Variants in KCNU1 observed in about 807,000 individuals in gnomAD.
The protein encoded by KCNU1 is potassium channel subfamily U member 1.
Under a neutral mutation model 126.8 loss-of-function variants are expected in KCNU1, and 93 were observed. The ratio of observed to expected loss-of-function variants is 0.73; its 90% CI spans 0.62 to 0.87. KCNU1 has a LOEUF of 0.87. Among genes scored for constraint, KCNU1 ranks in the 40% least tolerant of loss-of-function variants. KCNU1 has a pLI of 0.00. For missense variants in KCNU1, 1,330 were observed against 1,367.1 expected, an observed-to-expected ratio of 0.97 and a Z score of 0.43; for synonymous variants, 523 against 494.2, an observed-to-expected ratio of 1.06 and a Z score of -0.77.
rs538090899 is a variant in KCNU1, at chr8:36,865,773, CAAAAAAAAA to C, written c.2009+1269_2009+1277del. Among the ~76,000 whole-genome samples the C allele has an allele frequency of 9.8e-5, 6 of 61,378 alleles. No homozygotes were observed. In the South Asian group the frequency reaches 3.2e-3, roughly 32 times the overall value. 40.3% of individuals were successfully genotyped at this position (61,378 alleles called of 152,430 possible). On this transcript the variant is annotated intron_variant, in intron 19 of 26. Coordinates refer to ENST00000399881, the MANE Select transcript of KCNU1 (RefSeq NM_001031836.3). ...CCTGAGTGACAGAGCAAGAGCTTGTCAAAAAAAAAAAAAAAAAAAAAAAAAGAATGGATA... is the reference window on the plus strand; with the variant it reads ...CCTGAGTGACAGAGCAAGAGCTTGTCAAAAAAAAAAAAAAAAGAATGGATA...
chr8:36,917,297 T>C (rs906997820), intron 22 of KCNU1, among the ~76,000 whole-genome samples: 3 of 151,942 alleles, frequency 2.0e-5, no homozygotes, highest in Admixed American at 2.0e-4. Context: ...GCCATTATGG[T>C]GTGTTTTTCT....
chr8:36,897,716 A>T (rs1554514893), intron 19 of KCNU1, among the ~76,000 whole-genome samples: 2 of 152,068 alleles, frequency 1.3e-5, no homozygotes. Flanking sequence ...CCACTAAAAA[A>T]TTCTGACGCT....
At chr8:36,826,686 C>A (rs929503712) in intron 10 of KCNU1, among the ~76,000 whole-genome samples, 5 of 151,934 alleles carry the variant, frequency 3.3e-5, no homozygotes, top group African/African-American at 1.2e-4. Flanking sequence ...TTATATTATT[C>A]AGTTCTAGAA....
At chr8:36,880,151 T>C (rs1206407348) in intron 19 of KCNU1, among the ~76,000 whole-genome samples, 1 of 152,252 alleles carries the variant, frequency 6.6e-6, no homozygotes, top group Non-Finnish European at 1.5e-5. Context: ...TTTGAAGTAA[T>C]ATTTCTCTGC....
intron 24 of KCNU1, 104 bp downstream of exon 24, chr8:36,922,733 T>C: frequency 8.3e-7 from 1 of 1,200,704 alleles, no homozygotes; most frequent in East Asian, 2.5e-5. Context: ...AGTTCTAAGT[T>C]CTCTTTGATT....
At chr8:36,854,325 C>T (rs1163895403) in intron 18 of KCNU1, among the ~76,000 whole-genome samples, 1 of 152,040 alleles carries the variant, frequency 6.6e-6, no homozygotes, top group Non-Finnish European at 1.5e-5. Context: ...TTTCTTTACT[C>T]TTCTCCTGGA....
chr8:36,823,305 A>G (rs755037571), intron 10 of KCNU1, among the ~76,000 whole-genome samples: 4 of 152,164 alleles, frequency 2.6e-5, no homozygotes, highest in Non-Finnish European at 2.9e-5. Flanking sequence ...GCTCAGAGAC[A>G]ACTGCTTTCA....
At position 36,833,080 on chromosome 8, in the gene KCNU1, A is replaced by G. The variant is rs537838033; in HGVS notation, c.1107-474A>G. ...GCTTTCATTGTCTGTCAAGAAAAAT[A>G]CCGTTTTGATAAATATTTGTGTGTT... On this transcript the variant is annotated intron_variant, in intron 10 of 26. Transcript: ENST00000399881. Among the ~76,000 whole-genome samples, 5 of 152,270 alleles carry G rather than the reference A, an allele frequency of 3.3e-5. No homozygotes were observed. In the East Asian group the frequency reaches 9.6e-4, roughly 29 times the overall value.
chr8:36,822,017 G>A (rs1412486631), intron 10 of KCNU1, among the ~76,000 whole-genome samples: 1 of 152,076 alleles, frequency 6.6e-6, no homozygotes, highest in Non-Finnish European at 1.5e-5. Flanking sequence ...CCCATCATAA[G>A]TTCAGGAGTG....
Position 36,910,947 on chromosome 8 carries a change from T to C in KCNU1, c.2349T>C (p.Ser783=). 1 of 1,612,010 alleles carries C rather than the reference T, an allele frequency of 6.2e-7. No individual in the cohort carries two copies. Among genetic ancestry groups the C allele is most frequent in the Non-Finnish European group, 8.5e-7 (1 of 1,178,716 alleles). Reference sequence around the variant, plus strand: ...CTCATTAGGGATGTGCACTTTATTCTGGAGACCTCCATGCGGCCAACATAG... The same window carrying C: ...CTCATTAGGGATGTGCACTTTATTCCGGAGACCTCCATGCGGCCAACATAG... ...IYILPGCALY[S]GDLHAANIEQ... Residue 783 remains serine (S), a synonymous_variant, in exon 22 of 27, where the codon TCT becomes TCC. Coordinates refer to ENST00000399881, the MANE Select transcript of KCNU1 (RefSeq NM_001031836.3).
At chr8:36,840,015 G>T (rs1183639871) in intron 14 of KCNU1, among the ~76,000 whole-genome samples, 1 of 152,194 alleles carries the variant, frequency 6.6e-6, no homozygotes, top group Non-Finnish European at 1.5e-5. Context: ...TCTGATGCTG[G>T]ACAGAAGCTA....
At chr8:36,794,986 G>T (rs1334402237) in intron 2 of KCNU1, among the ~76,000 whole-genome samples, 2 of 152,052 alleles carry the variant, frequency 1.3e-5, no homozygotes, top group Admixed American at 6.6e-5. Context: ...TCCACCCCAA[G>T]CTGAAGAAAG....
In KCNU1 at chr8:36,877,832, C is replaced by T. The variant is rs150121931; in HGVS notation, c.2009+13311C>T. Among the ~76,000 whole-genome samples the T allele has an allele frequency of 7.7e-4, 117 of 152,244 alleles. 1 individual carries two copies. Among genetic ancestry groups the T allele is most frequent in the African/African-American group, 2.7e-3 (112 of 41,550 alleles). On this transcript the variant is annotated intron_variant, in intron 19 of 26. Coordinates refer to ENST00000399881, the MANE Select transcript of KCNU1 (RefSeq NM_001031836.3). Reference sequence around the variant, plus strand: ...TGAGATCAAAATCCTTAACAATGCCCGTTATCATATAGCTCCTATCTCTCA... The same window carrying T: ...TGAGATCAAAATCCTTAACAATGCCTGTTATCATATAGCTCCTATCTCTCA...
intron 9 of KCNU1, among the ~76,000 whole-genome samples, chr8:36,816,705 A>G (rs924000763): frequency 1.3e-5 from 2 of 152,208 alleles, no homozygotes; most frequent in African/African-American, 2.4e-5. Context: ...TAATAGGAGG[A>G]AAATAGCTCC....
chr8:36,784,704 A>G (rs1159349216), intron 1 of KCNU1, 99 bp downstream of exon 1: 7 of 962,428 alleles, frequency 7.3e-6, no homozygotes, highest in Admixed American at 5.6e-5. Flanking sequence ...CAGTTTTTCA[A>G]GCTAACAGAG....
chr8:36,807,064 G>A (rs1186021628), intron 5 of KCNU1, among the ~76,000 whole-genome samples: 1 of 152,128 alleles, frequency 6.6e-6, no homozygotes, highest in Non-Finnish European at 1.5e-5. Context: ...TGTGAGGCAT[G>A]CTTCTACATG....
chr8:36,798,163 T>C (rs1342135433), intron 2 of KCNU1, among the ~76,000 whole-genome samples: 1 of 152,172 alleles, frequency 6.6e-6, no homozygotes, highest in Non-Finnish European at 1.5e-5. Flanking sequence ...AGAGGCACAA[T>C]TACCATCCGT....
intron 23 of KCNU1, among the ~76,000 whole-genome samples, chr8:36,922,254 A>C (rs1419893725): frequency 2.6e-5 from 4 of 152,184 alleles, no homozygotes; most frequent in African/African-American, 9.7e-5. Flanking sequence ...CCTGTGCTCC[A>C]GCAATGTCCC....
chr8:36,865,398 T>C (rs1805868438), intron 19 of KCNU1, among the ~76,000 whole-genome samples: 1 of 152,094 alleles, frequency 6.6e-6, no homozygotes, highest in African/African-American at 2.4e-5. Flanking sequence ...AAGACAATTC[T>C]GTACTCCCAT....
Sources: gnomAD v4.1 joint callset for allele counts (sites outside exome capture counted in the v4.1 genomes callset) on GRCh38, gnomAD v4.1.1 for gene constraint, MANE v1.5 for transcripts, NCBI Gene and HGNC (gene_info 2026-07-23, HGNC 2026-07-21) for gene names.